RGS5: variants seen among roughly 807,000 people sequenced by gnomAD.
RGS5 encodes the protein regulator of G-protein signalling 5.
RGS5 carries 20 observed loss-of-function variants against 18.9 expected under a neutral mutation model. The ratio of observed to expected loss-of-function variants is 1.06; its 90% CI spans 0.74 to 1.54. The LOEUF is 1.54. Among genes scored for constraint, RGS5 ranks in the 40% most tolerant of loss-of-function variants. The pLI, the probability that RGS5 is intolerant of heterozygous loss-of-function variation, is 0.00. For synonymous variants in RGS5, 57 were observed against 76.2 expected (o/e 0.75, Z 1.31); for missense variants, 201 against 211.8 (o/e 0.95, Z 0.32).
At chr1:163,218,879 T>C (rs1660274948), upstream of RGS5, among the ~76,000 whole-genome samples, 1 of 152,160 alleles carries the variant, frequency 6.6e-6, no homozygotes, top group South Asian at 2.1e-4. Flanking sequence ...TGTGAAGATA[T>C]AACTTGGAAA....
intron 1 of RGS5, chr1:163,306,452 G>A (rs1397766948): frequency 1.3e-5 from 2 of 152,158 alleles, no homozygotes; most frequent in Non-Finnish European, 2.9e-5. Flanking sequence ...ATTGCATTTT[G>A]TTCTGAGGCA....
chr1:163,221,524 A>AATCAATC (rs1557910264), upstream of RGS5, among the ~76,000 whole-genome samples: 2 of 96,038 alleles, frequency 2.1e-5, no homozygotes, highest in South Asian at 5.5e-4. Context: ...ATCAATCAAT[A>AATCAATC]AAATCTCCAT....
intron 3 of RGS5, among the ~76,000 whole-genome samples, chr1:163,159,811 T>G (rs774631740): frequency 1.7e-4 from 26 of 152,230 alleles, no homozygotes; most frequent in Non-Finnish European, 2.8e-4. Context: ...TACATACACA[T>G]ATATACACAT....
Position 163,145,195 on chromosome 1 carries a change from C to T in RGS5, c.*2147G>A, listed in dbSNP as rs1429086163. 1 of 152,186 alleles carries T rather than the reference C, an allele frequency of 6.6e-6. No individual in the cohort carries two copies. The highest frequency in any genetic ancestry group is 1.5e-5 in the Non-Finnish European group (1 of 68,030). 9.4% of individuals were successfully genotyped at this position (152,186 alleles called of 1,614,324 possible). ...GTACAGTCCACTGGAGTCTTCATAA[C>T]ATCAACCCTCTAGGTGAGATCTGTA... On this transcript the variant is annotated 3_prime_UTR_variant, in exon 5 of 5. Coordinates refer to ENST00000313961, the MANE Select transcript of RGS5 (RefSeq NM_003617.4).
At chr1:163,309,165 T>C (rs1245448559) in intron 1 of RGS5, among the ~76,000 whole-genome samples, 1 of 152,100 alleles carries the variant, frequency 6.6e-6, no homozygotes, top group African/African-American at 2.4e-5. Flanking sequence ...CAGTGAACTA[T>C]GGTAGTGCCA....
chr1:163,212,381 A>G (rs1027874644), intron 1 of RGS5: 8 of 152,264 alleles, frequency 5.3e-5, no homozygotes, highest in Non-Finnish European at 8.8e-5. Flanking sequence ...TTAATTAAAT[A>G]AATAGGAATA....
intron 2 of RGS5, among the ~76,000 whole-genome samples, chr1:163,257,987 A>G (rs1312656724): frequency 6.6e-6 from 1 of 152,184 alleles, no homozygotes; most frequent in Non-Finnish European, 1.5e-5. Context: ...CTCCCTCAGG[A>G]GATGAAGGGC....
intron 1 of RGS5, among the ~76,000 whole-genome samples, chr1:163,177,503 T>A: frequency 6.6e-6 from 1 of 152,228 alleles, no homozygotes; most frequent in East Asian, 1.9e-4. Context: ...CTTGCTTTCA[T>A]AAACCTGGCC....
intron 1 of RGS5, among the ~76,000 whole-genome samples, chr1:163,208,269 A>C (rs1423898623): frequency 6.8e-6 from 1 of 146,012 alleles, no homozygotes; most frequent in Non-Finnish European, 1.5e-5. Flanking sequence ...AATGGCGTGA[A>C]CCCGGGAGGC....
At chr1:163,181,228 C>G (rs1571252263) in intron 1 of RGS5, among the ~76,000 whole-genome samples, 1 of 152,216 alleles carries the variant, frequency 6.6e-6, no homozygotes, top group East Asian at 1.9e-4. Context: ...TCCTCAGCTG[C>G]TAACCTTATT....
intron 3 of RGS5, among the ~76,000 whole-genome samples, chr1:163,155,648 G>A (rs1571214787): frequency 6.6e-6 from 1 of 152,042 alleles, no homozygotes; most frequent in East Asian, 1.9e-4. Flanking sequence ...ACAACCTATT[G>A]GGTCAGAGTC....
intron 2 of RGS5, among the ~76,000 whole-genome samples, chr1:163,256,507 A>C (rs898890961): frequency 6.6e-6 from 1 of 152,258 alleles, no homozygotes; most frequent in Non-Finnish European, 1.5e-5. Flanking sequence ...TGATTTATTA[A>C]TCATTTGGCA....
chr1:163,253,395 G>A (rs531613808), intron 2 of RGS5, among the ~76,000 whole-genome samples: 13 of 151,368 alleles, frequency 8.6e-5, no homozygotes, highest in South Asian at 6.3e-4. Context: ...TGCACCCTCC[G>A]CCTCCCAGCT....
intron 2 of RGS5, among the ~76,000 whole-genome samples, chr1:163,239,661 GACC>G (rs1647733959): frequency 1.3e-5 from 2 of 152,074 alleles, no homozygotes; most frequent in African/African-American, 4.8e-5. Flanking sequence ...CAGCTTAAAG[GACC>G]TCTTAAAGAT....
chr1:163,318,079 C>T (rs188194428), intron 1 of RGS5, among the ~76,000 whole-genome samples: 309 of 151,960 alleles, frequency 2.0e-3, no homozygotes, highest in Non-Finnish European at 3.9e-3. Flanking sequence ...TTGCAAGAGC[C>T]CTAAAAAATT....
At chr1:163,310,347 G>A (rs1363772969) in intron 1 of RGS5, among the ~76,000 whole-genome samples, 1 of 152,166 alleles carries the variant, frequency 6.6e-6, no homozygotes, top group Non-Finnish European at 1.5e-5. Context: ...AGCACTTTGG[G>A]AGGCCGAAGC....
intron 1 of RGS5, among the ~76,000 whole-genome samples, chr1:163,318,473 A>C (rs1266729043): frequency 6.6e-6 from 1 of 152,186 alleles, no homozygotes; most frequent in East Asian, 1.9e-4. Context: ...GTACAAATGA[A>C]AGCAAAGGAC....
chr1:163,258,812 A>C (rs1472909963), intron 2 of RGS5, among the ~76,000 whole-genome samples: 1 of 152,086 alleles, frequency 6.6e-6, no homozygotes, highest in Admixed American at 6.5e-5. Context: ...AGTAGCTGTG[A>C]CAACAGGTGT....
chr1:163,164,531 A>G (rs569659789), intron 2 of RGS5, among the ~76,000 whole-genome samples: 2 of 152,256 alleles, frequency 1.3e-5, no homozygotes, highest in East Asian at 3.9e-4. Flanking sequence ...ACAATGAGGC[A>G]CTCACTGCCG....
Sources: allele counts gnomAD v4.1 joint callset (sites outside exome capture counted in the v4.1 genomes callset), GRCh38; gene constraint gnomAD v4.1.1; transcripts MANE v1.5; gene names NCBI Gene and HGNC (gene_info 2026-07-23, HGNC 2026-07-21).